GRM5: variants seen among roughly 807,000 people sequenced by gnomAD.
GRM5 encodes glutamate metabotropic receptor 5.
Under a neutral mutation model 83.1 loss-of-function variants are expected in GRM5, and 19 were observed. That is an observed-to-expected ratio of 0.23 (90% CI 0.16 to 0.34). The LOEUF is 0.34. Ranked by LOEUF, GRM5 falls within the 10% of genes least tolerant of loss-of-function variation. The pLI, the probability that GRM5 is intolerant of heterozygous loss-of-function variation, is 1.00. For missense variants in GRM5, 1,160 were observed against 1,588.3 expected (o/e 0.73, Z 4.58); for synonymous variants, 675 against 633.6 (o/e 1.07, Z -0.98).
chr11:88,920,122 G>A (rs556082570), intron 2 of GRM5, among the ~76,000 whole-genome samples: 2 of 151,876 alleles, frequency 1.3e-5, no homozygotes, highest in Non-Finnish European at 2.9e-5. Context: ...ATGGTTTTCT[G>A]AAAGGATAAA....
At chr11:88,918,391 C>A (rs1194768341) in intron 2 of GRM5, among the ~76,000 whole-genome samples, 5 of 151,734 alleles carry the variant, frequency 3.3e-5, no homozygotes, top group Admixed American at 1.3e-4. Context: ...TGTAACTAAC[C>A]TGCACATTGT....
intron 6 of GRM5, among the ~76,000 whole-genome samples, chr11:88,592,724 G>C (rs1354126449): frequency 6.6e-6 from 1 of 152,126 alleles, no homozygotes; most frequent in Non-Finnish European, 1.5e-5. Context: ...CATATTTTAT[G>C]TTCTGTTTCA....
chr11:88,840,146 T>C (rs532636480), intron 3 of GRM5, among the ~76,000 whole-genome samples: 2 of 152,244 alleles, frequency 1.3e-5, no homozygotes, highest in East Asian at 3.9e-4. Context: ...AAATGCATTT[T>C]TGCCTTTTTT....
intron 8 of GRM5, among the ~76,000 whole-genome samples, chr11:88,531,108 T>A (rs1941997848): frequency 6.6e-6 from 1 of 152,086 alleles, no homozygotes. Flanking sequence ...CAGTCAGAGC[T>A]TTAATTTTCA....
At chr11:88,984,572 G>A (rs1287415146) in intron 2 of GRM5, 54 of 448,616 alleles carry the variant, frequency 1.2e-4, no homozygotes, top group Middle Eastern at 5.9e-4. Flanking sequence ...CAGCTAATTA[G>A]CAATATCTTT....
chr11:88,650,304 A>T (rs1439429598), intron 4 of GRM5, among the ~76,000 whole-genome samples: 1 of 152,018 alleles, frequency 6.6e-6, no homozygotes, highest in Non-Finnish European at 1.5e-5. Flanking sequence ...TACAATTTAT[A>T]TAGCTGACAA....
At chr11:88,931,512 C>T (rs1263697390) in intron 2 of GRM5, among the ~76,000 whole-genome samples, 1 of 151,410 alleles carries the variant, frequency 6.6e-6, no homozygotes, top group East Asian at 1.9e-4. Context: ...GATCTGGGTC[C>T]CATTGATAAG....
chr11:89,035,286 A>T (rs1446949240), intron 2 of GRM5, among the ~76,000 whole-genome samples: 1 of 151,854 alleles, frequency 6.6e-6, no homozygotes, highest in African/African-American at 2.4e-5. Context: ...AATTAAACTG[A>T]CATGTACTTC....
intron 3 of GRM5, among the ~76,000 whole-genome samples, chr11:88,723,517 C>T (rs759001322): frequency 2.0e-5 from 3 of 152,062 alleles, no homozygotes; most frequent in Non-Finnish European, 4.4e-5. Context: ...AATAAGACTT[C>T]CTGTTGCTCC....
At chr11:88,683,575 C>T (rs1244200342) in intron 3 of GRM5, among the ~76,000 whole-genome samples, 2 of 152,032 alleles carry the variant, frequency 1.3e-5, no homozygotes, top group Non-Finnish European at 2.9e-5. Flanking sequence ...ACTAATATTC[C>T]CTCAGAATAT....
At chr11:88,613,095 T>C (rs1938372873) in intron 4 of GRM5, among the ~76,000 whole-genome samples, 1 of 152,198 alleles carries the variant, frequency 6.6e-6, no homozygotes, top group African/African-American at 2.4e-5. Flanking sequence ...TTGAATTTGC[T>C]TGGACTTGCT....
chr11:88,713,708 CAT>C (rs1565197577), intron 3 of GRM5, among the ~76,000 whole-genome samples: 1 of 151,934 alleles, frequency 6.6e-6, no homozygotes, highest in Non-Finnish European at 1.5e-5. Context: ...GTGGGAAATA[CAT>C]GTGTTTCTGT....
chr11:88,541,074 A>G (rs188500332), intron 8 of GRM5, among the ~76,000 whole-genome samples: 1 of 152,164 alleles, frequency 6.6e-6, no homozygotes, highest in Non-Finnish European at 1.5e-5. Context: ...TAAGATTATT[A>G]TTTTAATAAA....
At chr11:88,741,214 A>G (rs182721247) in intron 3 of GRM5, among the ~76,000 whole-genome samples, 1 of 152,206 alleles carries the variant, frequency 6.6e-6, no homozygotes, top group African/African-American at 2.4e-5. Flanking sequence ...CTGGTCTGGA[A>G]TACCATGAAG....
intron 3 of GRM5, among the ~76,000 whole-genome samples, chr11:88,729,479 T>C (rs1941757521): frequency 6.6e-6 from 1 of 152,264 alleles, no homozygotes; most frequent in African/African-American, 2.4e-5. Context: ...TTTAATGCTA[T>C]CCCCATCAGG....
chr11:88,884,553 G>C (rs969468827), intron 2 of GRM5, among the ~76,000 whole-genome samples: 9 of 152,124 alleles, frequency 5.9e-5, no homozygotes, highest in Non-Finnish European at 7.4e-5. Flanking sequence ...ATTGTGTTTT[G>C]AAATGTGAAA....
rs779598495 is a variant in GRM5 at position 88,509,327 on chromosome 11, G to A, written c.2904C>T (p.Gly968=). 6 of 1,595,676 alleles carry A rather than the reference G, an allele frequency of 3.8e-6. No homozygotes were observed. In the African/African-American group the frequency reaches 6.8e-5, roughly 18 times the overall value. ...SRGLGAGAGA[G]GSAGGVGATG... ...TGGCCCCCACGCCCCCAGCGCTCCC[G>A]CCTGCGCCAGCGCCAGCGCCCAGGC... is the stretch of plus-strand genomic sequence containing the variant. The change falls in exon 10 of 10, where the codon GGC becomes GGT. Residue 968 remains glycine (G), a synonymous_variant. Coordinates refer to ENST00000305447, the MANE Select transcript of GRM5 (RefSeq NM_001143831.3).
intron 3 of GRM5, among the ~76,000 whole-genome samples, chr11:88,783,973 G>T (rs1330966140): frequency 2.6e-5 from 4 of 151,926 alleles, no homozygotes; most frequent in Non-Finnish European, 4.4e-5. Flanking sequence ...CATTATCAGT[G>T]GAGTACTGAT....
At position 88,506,783 on chromosome 11, in the gene GRM5, T is replaced by G. The variant is rs1233894635; in HGVS notation, c.*1809A>C. 1.3e-5 allele frequency: 2 copies of G among 152,180 alleles called. No individual in the cohort carries two copies. The highest frequency in any genetic ancestry group is 2.9e-5 in the Non-Finnish European group (2 of 68,022). The allele number at this position is 152,180 out of a possible 1,614,324, so 9.4% of individuals were successfully genotyped here. A position where few individuals can be genotyped will look rare whatever the true frequency, so the allele number is the denominator to read the frequency against. On this transcript the variant is annotated 3_prime_UTR_variant, in exon 10 of 10. Coordinates refer to ENST00000305447, the MANE Select transcript of GRM5 (RefSeq NM_001143831.3). The stretch of plus-strand genomic sequence containing the variant: ...TTTTTTAAAGTGAAGAATGATAAAT[T>G]ATGCCAATGGACTGACTTCTATTTC...
Sources: allele counts gnomAD v4.1 joint callset (sites outside exome capture counted in the v4.1 genomes callset), GRCh38; gene constraint gnomAD v4.1.1; transcripts MANE v1.5; gene names NCBI Gene and HGNC (gene_info 2026-07-23, HGNC 2026-07-21).